Variants in PPARG observed in about 807,000 individuals in gnomAD.
PPARG encodes peroxisome proliferator-activated receptor gamma.
PPARG carries 17 observed loss-of-function variants against 39.2 expected under a neutral mutation model. That is an observed-to-expected ratio of 0.43 (90% CI 0.30 to 0.65). The LOEUF (loss-of-function observed/expected upper bound fraction) is 0.65. Ranked by LOEUF, PPARG falls within the 30% of genes least tolerant of loss-of-function variation. The pLI, the probability that PPARG is intolerant of heterozygous loss-of-function variation, is 0.13. For missense variants in PPARG, 406 were observed against 585.9 expected (o/e 0.69, Z 3.17); for synonymous variants, 223 against 215.7 (o/e 1.03, Z -0.30).
rs922039036 is a variant in PPARG, at chr3:12,430,605, G to A, written c.1181-3293G>A. ...GATTAAATGGCATATCGTATATAAG[G>A]CCCTTGGCACGATCTTTGGAAAATA... On this transcript the variant is annotated intron_variant, in intron 7 of 7. Coordinates refer to ENST00000651735, the MANE Select transcript of PPARG (RefSeq NM_138711.6). Among the ~76,000 whole-genome samples the A allele has an allele frequency of 2.1e-4, 32 of 152,200 alleles. 1 individual carries two copies.
intron 2 of PPARG, among the ~76,000 whole-genome samples, chr3:12,325,801 T>G (rs191287267): frequency 6.6e-6 from 1 of 152,214 alleles, no homozygotes; most frequent in Non-Finnish European, 1.5e-5. Context: ...TATGTTGACA[T>G]TTTATGAAAA....
intron 2 of PPARG, among the ~76,000 whole-genome samples, chr3:12,368,205 A>G (rs1263475103): frequency 7.1e-5 from 7 of 98,570 alleles, no homozygotes; most frequent in Admixed American, 3.5e-4. Context: ...TTTTTCAGAC[A>G]GTGTCTCTCT....
chr3:12,379,642 C>G, intron 2 of PPARG, 62 bp from the exon 3 acceptor site: 1 of 1,440,236 alleles, frequency 6.9e-7, no homozygotes, highest in South Asian at 1.1e-5. Context: ...CTTTCTGAAA[C>G]TCTGTGAGAT....
At chr3:12,430,192 C>T (rs1249871191) in intron 7 of PPARG, among the ~76,000 whole-genome samples, 1 of 152,058 alleles carries the variant, frequency 6.6e-6, no homozygotes, top group Non-Finnish European at 1.5e-5. Context: ...ACATCGTTTA[C>T]AGACTTCTTC....
chr3:12,301,896 T>A (rs2046936521), intron 1 of PPARG: 1 of 152,224 alleles, frequency 6.6e-6, no homozygotes, highest in South Asian at 2.1e-4. Context: ...GTTTTCTTGA[T>A]TTATTATTCC....
At chr3:12,375,249 A>G (rs1029839671) in intron 2 of PPARG, among the ~76,000 whole-genome samples, 1 of 151,700 alleles carries the variant, frequency 6.6e-6, no homozygotes, top group Non-Finnish European at 1.5e-5. Context: ...GAGGTGGGAG[A>G]GAGAGAGAGA....
chr3:12,311,418 GAAAT>G (rs2047240878), intron 1 of PPARG, among the ~76,000 whole-genome samples: 1 of 152,120 alleles, frequency 6.6e-6, no homozygotes, highest in African/African-American at 2.4e-5. Context: ...CAATGCCAGA[GAAAT>G]AAATAAACAG....
intron 2 of PPARG, among the ~76,000 whole-genome samples, chr3:12,374,688 G>A (rs1488207163): frequency 6.6e-6 from 1 of 152,124 alleles, no homozygotes; most frequent in Non-Finnish European, 1.5e-5. Context: ...TGGTAATAAT[G>A]TGTCAATATT....
At chr3:12,429,450 G>T (rs1198360440) in intron 7 of PPARG, among the ~76,000 whole-genome samples, 1 of 151,300 alleles carries the variant, frequency 6.6e-6, no homozygotes, top group Non-Finnish European at 1.5e-5. Context: ...GGGAGCGGTG[G>T]CTCCCGCTTG....
chr3:12,330,289 C>T (rs1479614462), intron 2 of PPARG, among the ~76,000 whole-genome samples: 1 of 123,684 alleles, frequency 8.1e-6, no homozygotes, highest in Non-Finnish European at 1.6e-5. Context: ...TACATTGCTA[C>T]AACACCTTTT....
chr3:12,298,245 G>A (rs1414859869), intron 1 of PPARG, among the ~76,000 whole-genome samples: 2 of 123,700 alleles, frequency 1.6e-5, no homozygotes, highest in Non-Finnish European at 3.2e-5. Context: ...CTTGCAGTGA[G>A]CCGAGATCCC....
chr3:12,421,019 T>C (rs1575146754), intron 7 of PPARG, among the ~76,000 whole-genome samples: 1 of 152,220 alleles, frequency 6.6e-6, no homozygotes, highest in East Asian at 1.9e-4. Context: ...ATGTTCATTC[T>C]CTCATTCCAT....
chr3:12,374,340 C>T (rs2938396), intron 2 of PPARG, among the ~76,000 whole-genome samples: 103,754 of 152,000 alleles, frequency 0.68, 35,957 homozygotes, highest in African/African-American at 0.8. Flanking sequence ...GGCTCACACC[C>T]GTAATCCCAG....
chr3:12,396,402 G>A (rs770219421), intron 5 of PPARG, among the ~76,000 whole-genome samples: 11 of 152,050 alleles, frequency 7.2e-5, no homozygotes, highest in Non-Finnish European at 1.2e-4. Context: ...GATTACAGGC[G>A]TGAGCTACCA....
chr3:12,395,463 A>G (rs1373936330), intron 5 of PPARG, among the ~76,000 whole-genome samples: 4 of 152,236 alleles, frequency 2.6e-5, no homozygotes, highest in Non-Finnish European at 5.9e-5. Flanking sequence ...TCTGGGCTAG[A>G]GAAAGTATAA....
At chr3:12,338,179 G>A (rs554727337) in intron 2 of PPARG, among the ~76,000 whole-genome samples, 14 of 152,252 alleles carry the variant, frequency 9.2e-5, no homozygotes, top group South Asian at 4.1e-4. Flanking sequence ...AATCTGTTTC[G>A]TGTCTCAATT....
chr3:12,395,222 C>A (rs1246574882), intron 5 of PPARG, among the ~76,000 whole-genome samples: 16 of 152,212 alleles, frequency 1.1e-4, no homozygotes, highest in Admixed American at 1.0e-3. Flanking sequence ...CACTTTTCAA[C>A]CAGCTATTCC....
At chr3:12,433,390 TAGAA>T (rs1405053944) in intron 7 of PPARG, among the ~76,000 whole-genome samples, 1 of 151,572 alleles carries the variant, frequency 6.6e-6, no homozygotes, top group African/African-American at 2.4e-5. Context: ...ATACAAAAAT[TAGAA>T]AGGCGTGGTG....
intron 4 of PPARG, among the ~76,000 whole-genome samples, chr3:12,391,913 C>T (rs1426929223): frequency 2.6e-5 from 4 of 152,084 alleles, no homozygotes; most frequent in Admixed American, 6.6e-5. Context: ...TTTTTTTCAG[C>T]TCTTTCCAAA....
Sources: allele counts gnomAD v4.1 joint callset (sites outside exome capture counted in the v4.1 genomes callset), GRCh38; gene constraint gnomAD v4.1.1; transcripts MANE v1.5; gene names NCBI Gene and HGNC (gene_info 2026-07-23, HGNC 2026-07-21).